NCAM1: variants seen among roughly 807,000 people sequenced by gnomAD.
NCAM1 encodes the protein antigen recognized by monoclonal antibody 5.1H11.
NCAM1 carries 14 observed loss-of-function variants against 109.8 expected under a neutral mutation model. That is an observed-to-expected ratio of 0.13 (90% CI 0.08 to 0.20). The LOEUF (loss-of-function observed/expected upper bound fraction) is 0.20. Ranked by LOEUF, NCAM1 falls within the 10% of genes least tolerant of loss-of-function variation. NCAM1 has a pLI of 1.00. For missense variants in NCAM1, 774 were observed against 1,109.9 expected (o/e 0.70, Z 4.30); for synonymous variants, 418 against 442.9 (o/e 0.94, Z 0.70).
rs549580279 is a variant in NCAM1, at chr11:113,117,861, G to A, written c.53-84518G>A. Reference sequence around the variant, plus strand: ...CTTGACATTGTCTGAAATTTTGAGGGGAGGAGGAAAAAGGAAGACAGATTT... The same window carrying A: ...CTTGACATTGTCTGAAATTTTGAGGAGAGGAGGAAAAAGGAAGACAGATTT... On this transcript the variant is annotated intron_variant, in intron 1 of 19. Coordinates refer to ENST00000316851, the MANE Select transcript of NCAM1 (RefSeq NM_181351.5). Among the ~76,000 whole-genome samples the A allele has an allele frequency of 3.3e-5, 5 of 151,980 alleles. No homozygotes were observed. In the East Asian group the frequency reaches 9.7e-4, roughly 29 times the overall value.
rs115105679 is a variant in NCAM1 at position 113,147,866 on chromosome 11, G to A, written c.53-54513G>A. 2.6e-3 allele frequency among the ~76,000 whole-genome samples: 390 copies of A among 152,224 alleles called. 1 individual carries two copies. The highest frequency in any genetic ancestry group is 9.0e-3 in the African/African-American group (374 of 41,512). ...CCACATTACGCCATGAAAAATGCAC[G>A]GTTCAGAGGGTATAAGTTGTCTGTC... is the stretch of plus-strand genomic sequence containing the variant. On this transcript the variant is annotated intron_variant, in intron 1 of 19. Coordinates refer to ENST00000316851, the MANE Select transcript of NCAM1 (RefSeq NM_181351.5).
chr11:112,989,411 T>G (rs558937308), intron 1 of NCAM1, among the ~76,000 whole-genome samples: 2 of 152,318 alleles, frequency 1.3e-5, no homozygotes, highest in South Asian at 2.1e-4. Context: ...CACTCTTGAA[T>G]TTTTCAGGTC....
intron 1 of NCAM1, among the ~76,000 whole-genome samples, chr11:113,085,509 CCTT>C (rs550433113): frequency 1.9e-3 from 296 of 152,262 alleles, no homozygotes; most frequent in South Asian, 9.3e-3. Flanking sequence ...AAACTTTTCT[CCTT>C]ATTTTTTCTT....
intron 1 of NCAM1, among the ~76,000 whole-genome samples, chr11:112,990,195 G>T (rs1335187165): frequency 6.6e-6 from 1 of 152,214 alleles, no homozygotes; most frequent in African/African-American, 2.4e-5. Context: ...TAGAGAGCAG[G>T]CTTGATTACT....
intron 1 of NCAM1, among the ~76,000 whole-genome samples, chr11:113,136,138 C>T (rs7112548): frequency 0.43 from 65,660 of 151,952 alleles, 15,162 homozygotes; most frequent in Middle Eastern, 0.61. Context: ...GGCAACAAAA[C>T]GAGATCCTGT....
Position 113,101,791 on chromosome 11 carries a change from T to A in NCAM1, c.53-100588T>A, listed in dbSNP as rs552362048. Among the ~76,000 whole-genome samples the A allele has an allele frequency of 3.3e-5, 5 of 152,342 alleles. No homozygotes were observed. The East Asian group carries it at 7.7e-4, about 24-fold the overall frequency. ...TCAGGCTTTGCAATCATCTTCTCCA[T>A]TGGGAAACTGAGGCCCAGAAAGTTA... On this transcript the variant is annotated intron_variant, in intron 1 of 19. Coordinates refer to ENST00000316851, the MANE Select transcript of NCAM1 (RefSeq NM_181351.5).
chr11:113,136,262 G>A lies in NCAM1; in HGVS notation c.53-66117G>A, dbSNP rs183484007. Among the ~76,000 whole-genome samples the A allele has an allele frequency of 1.6e-3, 250 of 152,342 alleles. 3 individuals are homozygous for A. The highest frequency in any genetic ancestry group is 5.7e-3 in the African/African-American group (237 of 41,594). On this transcript the variant is annotated intron_variant, in intron 1 of 19. Transcript: ENST00000316851. ...AAGTCCATCACTGCAAAACATGCAA[G>A]TAGAAAGAAATACACAGCTGCCTTG...
At chr11:113,076,874 CT>C (rs1334706842) in intron 1 of NCAM1, among the ~76,000 whole-genome samples, 1 of 152,128 alleles carries the variant, frequency 6.6e-6, no homozygotes, top group East Asian at 1.9e-4. Flanking sequence ...AACATTGGCA[CT>C]GAATTACAAC....
intron 1 of NCAM1, among the ~76,000 whole-genome samples, chr11:113,193,666 A>G (rs888137542): frequency 7.9e-5 from 12 of 152,136 alleles, no homozygotes; most frequent in Admixed American, 4.6e-4. Context: ...AAAAAGAAAA[A>G]AAGAAAGAGA....
At chr11:113,263,166 T>G in intron 17 of NCAM1, 1 of 1,189,658 alleles carries the variant, frequency 8.4e-7, no homozygotes, top group Non-Finnish European at 1.0e-6. Context: ...AAAAAGAATT[T>G]GAGAGCTCTT....
chr11:113,055,711 G>A (rs567005300), intron 1 of NCAM1, among the ~76,000 whole-genome samples: 2 of 151,878 alleles, frequency 1.3e-5, no homozygotes, highest in East Asian at 1.9e-4. Flanking sequence ...TCTAATCAAT[G>A]TAACGCAGCA....
At chr11:113,200,694 G>A (rs1565495026) in intron 1 of NCAM1, among the ~76,000 whole-genome samples, 1 of 152,130 alleles carries the variant, frequency 6.6e-6, no homozygotes, top group African/African-American at 2.4e-5. Flanking sequence ...GTAGAATCAA[G>A]TGGCACCTGA....
chr11:113,131,531 C>A (rs562161822), intron 1 of NCAM1, among the ~76,000 whole-genome samples: 7 of 152,308 alleles, frequency 4.6e-5, no homozygotes, highest in Non-Finnish European at 1.0e-4. Flanking sequence ...CCTGGCAGTG[C>A]GCCACCCTTG....
At chr11:113,031,386 C>G (rs1401909040) in intron 1 of NCAM1, among the ~76,000 whole-genome samples, 1 of 152,102 alleles carries the variant, frequency 6.6e-6, no homozygotes, top group African/African-American at 2.4e-5. Flanking sequence ...ATGTGAAAGA[C>G]CTGACACTAA....
chr11:113,270,255 C>G lies in NCAM1; in HGVS notation c.2199C>G (p.Val733=), dbSNP rs782502231. 9.3e-6 allele frequency: 15 copies of G among 1,613,934 alleles called. No individual in the cohort carries two copies. In the Admixed American group the frequency reaches 1.0e-4, roughly 11 times the overall value. Residue 733 remains valine (V), a synonymous_variant, in exon 18 of 20, where the codon GTC becomes GTG. Transcript: ENST00000316851. Reference sequence around the variant, plus strand: ...TGGGCATCCTCATCGTCATCTTCGTCCTGCTCCTGGTGGTTGTGGACATCA... The same window carrying G: ...TGGGCATCCTCATCGTCATCTTCGTGCTGCTCCTGGTGGTTGTGGACATCA... ...AIVGILIVIF[V]LLLVVVDITC...
At chr11:112,972,234 G>A (rs1295548307) in intron 1 of NCAM1, among the ~76,000 whole-genome samples, 2 of 152,048 alleles carry the variant, frequency 1.3e-5, no homozygotes, top group Non-Finnish European at 2.9e-5. Flanking sequence ...GGTGAATGGA[G>A]GAATCCCAGT....
At chr11:113,094,872 C>T (rs1228690496) in intron 1 of NCAM1, among the ~76,000 whole-genome samples, 1 of 152,006 alleles carries the variant, frequency 6.6e-6, no homozygotes, top group African/African-American at 2.4e-5. Flanking sequence ...CGAAAAATGT[C>T]GAAAGGAAAA....
chr11:113,165,349 G>A (rs1942754826), intron 1 of NCAM1, among the ~76,000 whole-genome samples: 1 of 152,158 alleles, frequency 6.6e-6, no homozygotes, highest in South Asian at 2.1e-4. Context: ...GTCCTCTTTA[G>A]AGCTAAGATC....
At chr11:113,110,564 C>T (rs1245930229) in intron 1 of NCAM1, among the ~76,000 whole-genome samples, 5 of 152,096 alleles carry the variant, frequency 3.3e-5, no homozygotes, top group Admixed American at 6.5e-5. Flanking sequence ...TGTATATTTT[C>T]ACTAAAGGAT....
Sources: gnomAD v4.1 joint callset for allele counts (sites outside exome capture counted in the v4.1 genomes callset) on GRCh38, gnomAD v4.1.1 for gene constraint, MANE v1.5 for transcripts, NCBI Gene and HGNC (gene_info 2026-07-23, HGNC 2026-07-21) for gene names.